ZNF385D: variants seen among roughly 807,000 people sequenced by gnomAD.
ZNF385D encodes the protein zinc finger protein 659.
ZNF385D carries 15 observed loss-of-function variants against 35.8 expected under a neutral mutation model. The ratio of observed to expected loss-of-function variants is 0.42; its 90% CI spans 0.28 to 0.64. The LOEUF (loss-of-function observed/expected upper bound fraction) is 0.64. Ranked by LOEUF, ZNF385D falls within the 30% of genes least tolerant of loss-of-function variation. The probability of loss-of-function intolerance (pLI) is 0.23; values close to 1 mark genes in which losing one functional copy is unlikely to be tolerated. For missense variants in ZNF385D, 474 were observed against 494.6 expected (o/e 0.96, Z 0.39); for synonymous variants, 212 against 186.8 (o/e 1.13, Z -1.10).
chr3:21,965,878 TAAC>T (rs1702885601), intron 3 of ZNF385D, among the ~76,000 whole-genome samples: 1 of 152,092 alleles, frequency 6.6e-6, no homozygotes, highest in Non-Finnish European at 1.5e-5. Flanking sequence ...GAAGAAGAGA[TAAC>T]AATAAAGCAA....
At chr3:22,295,470 T>TA (rs200263640) in intron 2 of ZNF385D, among the ~76,000 whole-genome samples, 22 of 72,546 alleles carry the variant, frequency 3.0e-4, no homozygotes, top group South Asian at 1.9e-3. Context: ...TAAAATAGAA[T>TA]AAAAAAAGTT....
chr3:21,760,558 A>C (rs951074555), intron 3 of ZNF385D, among the ~76,000 whole-genome samples: 1 of 152,246 alleles, frequency 6.6e-6, no homozygotes, highest in Non-Finnish European at 1.5e-5. Context: ...CATGGGAAAC[A>C]TAAATATCTA....
In ZNF385D at chr3:22,092,112, AC is replaced by A. The variant is rs1286898214; in HGVS notation, c.325+76704del. On this transcript the variant is annotated intron_variant, in intron 3 of 5. Transcript: ENST00000494108. ...GAAGAGTGAATATGGAAACTGAGTA[AC>A]CAAAGGCATGCACTGTCCTAGTCAT... is the stretch of plus-strand genomic sequence containing the variant. Among the ~76,000 whole-genome samples, 4 of 152,296 alleles carry A rather than the reference AC, an allele frequency of 2.6e-5. No individual in the cohort carries two copies. In the East Asian group the frequency reaches 7.7e-4, roughly 29 times the overall value.
At chr3:21,734,436 A>C (rs1430415846) in intron 1 of ZNF385D, among the ~76,000 whole-genome samples, 1 of 152,014 alleles carries the variant, frequency 6.6e-6, no homozygotes, top group Non-Finnish European at 1.5e-5. Context: ...AACCTTATTG[A>C]TGAATTTGTG....
intron 2 of ZNF385D, among the ~76,000 whole-genome samples, chr3:22,314,331 C>T (rs921628995): frequency 6.6e-6 from 1 of 152,020 alleles, no homozygotes; most frequent in African/African-American, 2.4e-5. Context: ...GCCTTTGCAC[C>T]CTCATAGCTT....
chr3:21,700,271 G>C lies in ZNF385D; in HGVS notation c.23-35243C>G, dbSNP rs572511108. Among the ~76,000 whole-genome samples the C allele has an allele frequency of 4.6e-5, 7 of 152,180 alleles. 1 individual carries two copies. In the South Asian group the frequency reaches 1.5e-3, roughly 32 times the overall value. On this transcript the variant is annotated intron_variant, in intron 1 of 7. Transcript: ENST00000281523. Reference sequence around the variant, plus strand: ...CTGGTATAGGGACCAGAAGGAAGTGGGGGAGTAAGCCATGTAGGTTTCTAG... The same window carrying C: ...CTGGTATAGGGACCAGAAGGAAGTGCGGGAGTAAGCCATGTAGGTTTCTAG...
At chr3:21,642,022 A>G (rs925628038) in intron 2 of ZNF385D, among the ~76,000 whole-genome samples, 1 of 152,122 alleles carries the variant, frequency 6.6e-6, no homozygotes, top group Non-Finnish European at 1.5e-5. Flanking sequence ...TACAGTAAAG[A>G]AACAGGCAAC....
intron 3 of ZNF385D, among the ~76,000 whole-genome samples, chr3:22,093,729 G>A (rs929370636): frequency 6.6e-6 from 1 of 151,724 alleles, no homozygotes; most frequent in Admixed American, 6.6e-5. Flanking sequence ...TTTTTTCAGG[G>A]ATTAATAACA....
At chr3:22,253,823 G>C (rs920550068) in intron 2 of ZNF385D, among the ~76,000 whole-genome samples, 5 of 138,350 alleles carry the variant, frequency 3.6e-5, no homozygotes, top group Non-Finnish European at 6.5e-5. Flanking sequence ...TATAACAAGA[G>C]AGAAAAATCC....
rs140764336 is a variant in ZNF385D at position 21,527,550 on chromosome 3, G to A, written c.277-16527C>T. On this transcript the variant is annotated intron_variant, in intron 3 of 7. Transcript: ENST00000281523. ...TTATTGGTTATCTTTAAAATAAATCGTTAAAGACTACAGAGGAGTCAAATC... is the reference window on the plus strand; with the variant it reads ...TTATTGGTTATCTTTAAAATAAATCATTAAAGACTACAGAGGAGTCAAATC... Among the ~76,000 whole-genome samples, 409 of 152,028 alleles carry A rather than the reference G, an allele frequency of 2.7e-3. 2 individuals are homozygous for A. Among genetic ancestry groups the A allele is most frequent in the African/African-American group, 9.2e-3 (381 of 41,458 alleles).
intron 4 of ZNF385D, among the ~76,000 whole-genome samples, chr3:21,491,596 A>G (rs754425192): frequency 2.6e-5 from 4 of 152,192 alleles, no homozygotes; most frequent in East Asian, 1.9e-4. Flanking sequence ...ATTTGGAGGT[A>G]TCTAAATTAG....
At chr3:21,703,266 T>A (rs9869922) in intron 1 of ZNF385D, among the ~76,000 whole-genome samples, 24,193 of 152,062 alleles carry the variant, frequency 0.16, 2,089 homozygotes, top group East Asian at 0.22. Flanking sequence ...TGGAAACCCC[T>A]GATAAAACCA....
intron 2 of ZNF385D, among the ~76,000 whole-genome samples, chr3:22,184,304 A>C (rs1439129048): frequency 6.6e-6 from 1 of 152,190 alleles, no homozygotes; most frequent in Non-Finnish European, 1.5e-5. Flanking sequence ...TATTGACGTC[A>C]GGGCAACATG....
chr3:21,684,964 T>C (rs2067057623), intron 1 of ZNF385D, among the ~76,000 whole-genome samples: 1 of 152,192 alleles, frequency 6.6e-6, no homozygotes, highest in Non-Finnish European at 1.5e-5. Flanking sequence ...AAAATTCTAA[T>C]TTTTAAGCTA....
At chr3:21,768,997 C>G (rs1034592607) in intron 3 of ZNF385D, among the ~76,000 whole-genome samples, 2 of 151,536 alleles carry the variant, frequency 1.3e-5, no homozygotes, top group African/African-American at 4.9e-5. Context: ...AAACAAAAAC[C>G]GGGATTGTTA....
At position 22,287,287 on chromosome 3, in the gene ZNF385D, G is replaced by T. The variant is rs371469630; in HGVS notation, c.106+85163C>A. On this transcript the variant is annotated intron_variant, in intron 2 of 5. Transcript: ENST00000494108. The stretch of plus-strand genomic sequence containing the variant: ...AAAGGAGAAATGAGTCTCTTAAAGT[G>T]AGCACATTGTTGAGTCTTGATTTTT... Among the ~76,000 whole-genome samples, 7 of 152,044 alleles carry T rather than the reference G, an allele frequency of 4.6e-5. No individual in the cohort carries two copies. In the South Asian group the frequency reaches 8.3e-4, roughly 18 times the overall value.
chr3:22,184,511 T>G (rs981521106), intron 2 of ZNF385D, among the ~76,000 whole-genome samples: 1 of 152,058 alleles, frequency 6.6e-6, no homozygotes, highest in Non-Finnish European at 1.5e-5. Flanking sequence ...AACAAAAGAC[T>G]TGATGGTACT....
intron 1 of ZNF385D, among the ~76,000 whole-genome samples, chr3:21,731,840 A>T (rs907739945): frequency 6.6e-6 from 1 of 152,060 alleles, no homozygotes; most frequent in Non-Finnish European, 1.5e-5. Context: ...TTCACTTGCT[A>T]ATATGCATTT....
chr3:21,429,332 A>G (rs1338719606), intron 5 of ZNF385D, among the ~76,000 whole-genome samples: 2 of 152,128 alleles, frequency 1.3e-5, no homozygotes, highest in Admixed American at 1.3e-4. Flanking sequence ...GGAATAAGTT[A>G]GCTAAAGTGG....
Sources: allele counts gnomAD v4.1 joint callset (sites outside exome capture counted in the v4.1 genomes callset), GRCh38; gene constraint gnomAD v4.1.1; transcripts MANE v1.5; gene names NCBI Gene and HGNC (gene_info 2026-07-23, HGNC 2026-07-21).